Variants in MMP16 observed in about 807,000 individuals in gnomAD.
MMP16 encodes matrix metallopeptidase 16.
Under a neutral mutation model 67.8 loss-of-function variants are expected in MMP16, and 12 were observed. That is an observed-to-expected ratio of 0.18 (90% confidence interval 0.11 to 0.29). MMP16 has a LOEUF of 0.29. MMP16 is among the 10% of genes least tolerant of loss of function. The pLI is 1.00. For synonymous variants in MMP16, 249 were observed against 255.9 expected (o/e 0.97, Z 0.26); for missense variants, 475 against 765.7 (o/e 0.62, Z 4.48).
At chr8:88,049,127 C>T (rs1208136016) in intron 8 of MMP16, among the ~76,000 whole-genome samples, 3 of 152,076 alleles carry the variant, frequency 2.0e-5, no homozygotes, top group East Asian at 3.9e-4. Flanking sequence ...CTCATCACAT[C>T]GAAGATGAGA....
intron 1 of MMP16, among the ~76,000 whole-genome samples, chr8:88,290,404 T>A (rs1810908323): frequency 6.6e-6 from 1 of 151,896 alleles, no homozygotes; most frequent in African/African-American, 2.4e-5. Flanking sequence ...ATACAAAAAA[T>A]TAGCAGGGCA....
At chr8:88,245,156 G>C (rs1183461740) in intron 1 of MMP16, among the ~76,000 whole-genome samples, 1 of 152,114 alleles carries the variant, frequency 6.6e-6, no homozygotes, top group African/African-American at 2.4e-5. Context: ...TAAAAGGTGT[G>C]ACTCTCAATA....
rs1280310295 is a variant in MMP16, at chr8:88,032,995, G to T, written c.*8466C>A. The stretch of plus-strand genomic sequence containing the variant: ...TATTGTCAGACAACCACAAGATAAT[G>T]GCCTAAATATTTAATTTCCTGGCGT... On this transcript the variant is annotated 3_prime_UTR_variant, in exon 10 of 10. Coordinates refer to ENST00000286614, the MANE Select transcript of MMP16 (RefSeq NM_005941.5). 1 of 151,964 alleles carries T rather than the reference G, an allele frequency of 6.6e-6. No homozygotes were observed. Among genetic ancestry groups the T allele is most frequent in the Non-Finnish European group, 1.5e-5 (1 of 67,928 alleles). The allele number at this position is 151,964 out of a possible 1,614,324, so 9.4% of individuals were successfully genotyped here. A position where few individuals can be genotyped will look rare whatever the true frequency, so the allele number is the denominator to read the frequency against.
rs892299114 is a variant in MMP16, at chr8:88,037,045, T to C, written c.*4416A>G. ...CATCCATTCCTCTTCAGATAGCACT[T>C]TGAGTTTAGTTAATATGGACACACT... On this transcript the variant is annotated 3_prime_UTR_variant, in exon 10 of 10. Transcript: ENST00000286614. 2 of 151,214 alleles carry C rather than the reference T, an allele frequency of 1.3e-5. No individual in the cohort carries two copies. The highest frequency in any genetic ancestry group is 4.9e-5 in the African/African-American group (2 of 41,206). 9.4% of individuals were successfully genotyped at this position (151,214 alleles called of 1,614,324 possible).
intron 6 of MMP16, among the ~76,000 whole-genome samples, chr8:88,109,046 C>G (rs1170324380): frequency 1.3e-5 from 2 of 151,246 alleles, no homozygotes; most frequent in Non-Finnish European, 3.0e-5. Flanking sequence ...AAGAACTTCT[C>G]TCATGAAGGT....
rs76310924 is a variant in MMP16 at position 88,040,142 on chromosome 8, A to T, written c.*1319T>A. On this transcript the variant is annotated 3_prime_UTR_variant, in exon 10 of 10. Coordinates refer to ENST00000286614, the MANE Select transcript of MMP16 (RefSeq NM_005941.5). ...AACAGAAATTCAGTATGCCTAAAAA[A>T]AAGAAAAGAAGACTTAGGCTATTAT... 6.6e-6 allele frequency: 1 copy of T among 152,634 alleles called. No individual in the cohort carries two copies. Among genetic ancestry groups the T allele is most frequent in the African/African-American group, 2.4e-5 (1 of 41,450 alleles). 9.5% of individuals were successfully genotyped at this position (152,634 alleles called of 1,614,324 possible).
chr8:88,127,383 CAAAG>C (rs1807952677), intron 4 of MMP16, among the ~76,000 whole-genome samples: 1 of 151,580 alleles, frequency 6.6e-6, no homozygotes, highest in Admixed American at 6.6e-5. Context: ...CTTCAGTAGA[CAAAG>C]AATTAGGTGA....
intron 1 of MMP16, among the ~76,000 whole-genome samples, chr8:88,268,601 C>A (rs1010779010): frequency 1.3e-5 from 2 of 152,094 alleles, no homozygotes; most frequent in Non-Finnish European, 2.9e-5. Flanking sequence ...TAGGAGAGGA[C>A]CATAATAGGT....
intron 4 of MMP16, among the ~76,000 whole-genome samples, chr8:88,128,050 T>A (rs774676988): frequency 6.6e-6 from 1 of 151,842 alleles, no homozygotes; most frequent in Non-Finnish European, 1.5e-5. Context: ...CTGGAAAAGG[T>A]ATGGCCTTTC....
At position 88,033,368 on chromosome 8, in the gene MMP16, A is replaced by C. The variant is rs1808010518; in HGVS notation, c.*8093T>G. 6.6e-6 allele frequency: 1 copy of C among 150,894 alleles called. No homozygotes were observed. The highest frequency in any genetic ancestry group is 1.5e-5 in the Non-Finnish European group (1 of 67,680). 9.3% of individuals were successfully genotyped at this position (150,894 alleles called of 1,614,324 possible). On this transcript the variant is annotated 3_prime_UTR_variant, in exon 10 of 10. Transcript: ENST00000286614. ...TTACCAGATAGCTTATATGGATGTC[A>C]TAAATCTGCATTATCATACTGATCC...
intron 1 of MMP16, among the ~76,000 whole-genome samples, chr8:88,294,961 T>A (rs1810989934): frequency 6.6e-6 from 1 of 152,154 alleles, no homozygotes; most frequent in Non-Finnish European, 1.5e-5. Flanking sequence ...GATCCAACCA[T>A]CTTGGCCTCC....
chr8:88,306,932 A>T (rs1586011843), intron 1 of MMP16, among the ~76,000 whole-genome samples: 1 of 152,340 alleles, frequency 6.6e-6, no homozygotes, highest in East Asian at 1.9e-4. Flanking sequence ...GGCCAGGGCA[A>T]TCAGGCAAGA....
Position 88,159,640 on chromosome 8 carries a change from T to A in MMP16, c.709+8029A>T, listed in dbSNP as rs1468612148. 3.3e-5 allele frequency among the ~76,000 whole-genome samples: 5 copies of A among 152,170 alleles called. No homozygotes were observed. The South Asian group carries it at 1.0e-3, about 32-fold the overall frequency. On this transcript the variant is annotated intron_variant, in intron 4 of 9. Coordinates refer to ENST00000286614, the MANE Select transcript of MMP16 (RefSeq NM_005941.5). ...CCCTTTATTTCTTTCTCCTGCCTGA[T>A]TGCCCTGGCCAGAACTTCCAACACT...
chr8:88,117,138 A>G (rs927853433), intron 5 of MMP16, among the ~76,000 whole-genome samples: 1 of 152,160 alleles, frequency 6.6e-6, no homozygotes, highest in African/African-American at 2.4e-5. Context: ...TTCTATTCAA[A>G]TATTTCCAAA....
intron 6 of MMP16, among the ~76,000 whole-genome samples, chr8:88,078,586 G>A (rs947027863): frequency 3.9e-5 from 6 of 152,108 alleles, no homozygotes; most frequent in Admixed American, 2.0e-4. Context: ...GCTGAGTCAG[G>A]AGAATTGCTT....
intron 1 of MMP16, among the ~76,000 whole-genome samples, chr8:88,240,899 T>C (rs892873506): frequency 7.9e-5 from 12 of 152,192 alleles, no homozygotes; most frequent in Admixed American, 5.2e-4. Flanking sequence ...TCCACAGCAT[T>C]GTATGTTTAT....
intron 6 of MMP16, among the ~76,000 whole-genome samples, chr8:88,108,373 T>C (rs1158497989): frequency 6.6e-6 from 1 of 151,254 alleles, no homozygotes; most frequent in Non-Finnish European, 1.5e-5. Flanking sequence ...AGAGAGCAAT[T>C]TGCACAATTT....
intron 1 of MMP16, among the ~76,000 whole-genome samples, chr8:88,315,680 C>T (rs918570104): frequency 2.6e-5 from 4 of 152,156 alleles, no homozygotes; most frequent in Non-Finnish European, 5.9e-5. Context: ...CTTCCCTATT[C>T]CTTGAAACAC....
chr8:88,273,808 A>C (rs142595843), intron 1 of MMP16, among the ~76,000 whole-genome samples: 27 of 152,300 alleles, frequency 1.8e-4, no homozygotes, highest in African/African-American at 6.5e-4. Context: ...GTTATATGTC[A>C]ATGGAAACAA....
Sources: gnomAD v4.1 joint callset for allele counts (sites outside exome capture counted in the v4.1 genomes callset) on GRCh38, gnomAD v4.1.1 for gene constraint, MANE v1.5 for transcripts, NCBI Gene and HGNC (gene_info 2026-07-23, HGNC 2026-07-21) for gene names.